The following MGAM2 variants were observed in gnomAD, a reference collection of about 807,000 sequenced individuals.
MGAM2 encodes maltase-glucoamylase 2 (putative).
A neutral mutation model predicts 96.1 loss-of-function variants in MGAM2; 98 were observed. That is an observed-to-expected ratio of 1.02 (90% CI 0.87 to 1.21). The LOEUF (loss-of-function observed/expected upper bound fraction) is 1.21, where lower values mean the gene tolerates loss of function less well. MGAM2 is among the 50% of genes most tolerant of loss of function. The probability of loss-of-function intolerance (pLI) is 0.00; values close to 1 mark genes in which losing one functional copy is unlikely to be tolerated. For missense variants in MGAM2, 2,055 were observed against 1,182.4 expected, an observed-to-expected ratio of 1.74 and a Z score of -10.82; for synonymous variants, 749 against 414.8, an observed-to-expected ratio of 1.81 and a Z score of -9.79.
At position 142,134,045 on chromosome 7, in the gene MGAM2, C is replaced by T. The variant is rs1794983812; in HGVS notation, c.640C>T (p.Pro214Ser). The change falls in exon 7 of 48, where the codon CCC becomes TCC. Residue 214 changes from proline to serine, a missense_variant. Coordinates refer to ENST00000477922, the MANE Select transcript of MGAM2 (RefSeq NM_001293626.2). ...GTACCTGCAACTGTCTTTCCGACTGCCCAGTGCCAATGTGTATGGGCTGGG... is the reference window on the plus strand; with the variant it reads ...GTACCTGCAACTGTCTTTCCGACTGTCCAGTGCCAATGTGTATGGGCTGGG... ...QQYLQLSFRLPSANVYGLGEH... is the reference protein window; with the variant it reads ...QQYLQLSFRLSSANVYGLGEH... The T allele has an allele frequency of 1.3e-6, 1 of 755,552 alleles. No individual in the cohort carries two copies. Among genetic ancestry groups the T allele is most frequent in the Non-Finnish European group, 2.4e-6 (1 of 412,682 alleles). The allele number at this position is 755,552 out of a possible 1,614,324, so 46.8% of individuals were successfully genotyped here. A position where few individuals can be genotyped will look rare whatever the true frequency, so the allele number is the denominator to read the frequency against.
intron 12 of MGAM2, among the ~76,000 whole-genome samples, chr7:142,142,517 GGT>G (rs1563257133): frequency 2.9e-5 from 4 of 137,284 alleles, no homozygotes; most frequent in African/African-American, 5.4e-5. Flanking sequence ...GGTGCATAGT[GGT>G]GTGTGTTTTT....
chr7:142,172,765 G>A lies in MGAM2; in HGVS notation c.3561+1G>A. The A allele has an allele frequency of 1.4e-6, 1 of 696,924 alleles. No individual in the cohort carries two copies. Among genetic ancestry groups the A allele is most frequent in the South Asian group, 1.5e-5 (1 of 66,188 alleles). 43.2% of individuals were successfully genotyped at this position (696,924 alleles called of 1,614,324 possible). A position where few individuals can be genotyped will look rare whatever the true frequency, so the allele number is the denominator to read the frequency against. On this transcript the variant is annotated splice_donor_variant, in intron 30 of 47. Coordinates refer to ENST00000477922, the MANE Select transcript of MGAM2 (RefSeq NM_001293626.2). LOFTEE classifies it high-confidence loss of function. The stretch of plus-strand genomic sequence containing the variant: ...ACTTGTAACTCAGCAATACACAGAG[G>A]TTAGAAGCCATTCTGTCCATCAATA...
intron 46 of MGAM2, among the ~76,000 whole-genome samples, chr7:142,217,520 A>T (rs1467431798): frequency 6.6e-6 from 1 of 152,184 alleles, no homozygotes; most frequent in Admixed American, 6.5e-5. Context: ...TGGTACAATA[A>T]ACTTATTTGT....
intron 15 of MGAM2, among the ~76,000 whole-genome samples, chr7:142,149,039 C>T (rs1341557005): frequency 1.3e-5 from 2 of 151,984 alleles, no homozygotes; most frequent in Non-Finnish European, 2.9e-5. Context: ...CCAGCCTGGC[C>T]ATCATAGTGA....
At chr7:142,151,048 T>G (rs1257716429) in intron 15 of MGAM2, among the ~76,000 whole-genome samples, 2 of 152,260 alleles carry the variant, frequency 1.3e-5, no homozygotes, top group Non-Finnish European at 2.9e-5. Context: ...CCACATTTGT[T>G]CATATTCCAA....
intron 37 of MGAM2, among the ~76,000 whole-genome samples, chr7:142,191,499 T>A (rs1796866804): frequency 6.6e-6 from 1 of 152,162 alleles, no homozygotes; most frequent in Non-Finnish European, 1.5e-5. Flanking sequence ...ATGTTATTCT[T>A]TCCTTCATTT....
At chr7:142,188,427 C>A (rs1012722456) in intron 36 of MGAM2, among the ~76,000 whole-genome samples, 1 of 151,770 alleles carries the variant, frequency 6.6e-6, no homozygotes, top group South Asian at 2.1e-4. Flanking sequence ...GCCTGGGCAA[C>A]ATAGTGAGAC....
intron 15 of MGAM2, among the ~76,000 whole-genome samples, chr7:142,149,158 G>A (rs770231604): frequency 5.3e-5 from 8 of 151,846 alleles, no homozygotes; most frequent in Non-Finnish European, 1.0e-4. Flanking sequence ...GAACCCGGGA[G>A]ACGGAGGTTG....
In MGAM2 at chr7:142,189,407, G is replaced by T; in HGVS notation, c.4248G>T (p.Leu1416=). The change falls in exon 37 of 48, where the codon CTG becomes CTT. Residue 1416 remains leucine (L), a synonymous_variant. Transcript: ENST00000477922. The part of the protein sequence containing the change: ...SRDKGLSSKT[L]CMESQQILPD... The stretch of plus-strand genomic sequence containing the variant: ...ACAAGGGCCTGAGCAGCAAGACTCT[G>T]TGCATGGAGAGTCAGCAGATCCTGC... The T allele has an allele frequency of 1.4e-6, 1 of 724,104 alleles. No individual in the cohort carries two copies. 44.9% of individuals were successfully genotyped at this position (724,104 alleles called of 1,614,324 possible).
At position 142,133,935 on chromosome 7, in the gene MGAM2, AAG is replaced by A. The variant is rs962717683; in HGVS notation, c.576-43_576-42del. ...GAGAAGATAGCTTCCTGGCAGAGGAAAGAGTGTTTTTCGGTGATTCTTGCTCT... is the reference window on the plus strand; with the variant it reads ...GAGAAGATAGCTTCCTGGCAGAGGAAAGTGTTTTTCGGTGATTCTTGCTCT... On this transcript the variant is annotated intron_variant, in intron 6 of 47. Transcript: ENST00000477922. 21 of 658,970 alleles carry A rather than the reference AAG, an allele frequency of 3.2e-5. No homozygotes were observed. In the African/African-American group the frequency reaches 3.2e-4, roughly 10 times the overall value. The allele number at this position is 658,970 out of a possible 1,614,324, so 40.8% of individuals were successfully genotyped here.
intron 26 of MGAM2, among the ~76,000 whole-genome samples, chr7:142,169,155 G>A (rs1435402754): frequency 6.6e-6 from 1 of 152,176 alleles, no homozygotes; most frequent in African/African-American, 2.4e-5. Context: ...ACCTGGCAAG[G>A]TGTGGTGGCT....
chr7:142,175,774 C>A lies in MGAM2; in HGVS notation c.3810C>A (p.Leu1270=). 1.4e-6 allele frequency: 1 copy of A among 702,624 alleles called. No individual in the cohort carries two copies. 43.5% of individuals were successfully genotyped at this position (702,624 alleles called of 1,614,324 possible). Residue 1270 remains leucine (L), a synonymous_variant, in exon 32 of 48, where the codon CTC becomes CTA. Coordinates refer to ENST00000477922, the MANE Select transcript of MGAM2 (RefSeq NM_001293626.2). The part of the protein sequence containing the change: ...QMKKNGMRFI[L]ILDPAISGNE... ...AGAAAAATGGCATGAGATTTATTCT[C>A]ATTTTGGTATGTATTGAGACAGATC...
chr7:142,157,047 C>T (rs1431337759), intron 17 of MGAM2, among the ~76,000 whole-genome samples: 3 of 152,044 alleles, frequency 2.0e-5, no homozygotes, highest in Admixed American at 6.5e-5. Context: ...AAATAGAGGT[C>T]ACTAATCTTT....
intron 15 of MGAM2, among the ~76,000 whole-genome samples, chr7:142,149,777 A>G (rs535896291): frequency 2.4e-3 from 365 of 151,682 alleles, no homozygotes; most frequent in East Asian, 9.5e-3. Context: ...TCCTGACCTC[A>G]TGATTCACCC....
At chr7:142,214,126 C>G (rs1797675255) in intron 46 of MGAM2, among the ~76,000 whole-genome samples, 1 of 152,130 alleles carries the variant, frequency 6.6e-6, no homozygotes, top group South Asian at 2.1e-4. Context: ...GCTAAAAACA[C>G]TCAATAAACT....
In MGAM2 at chr7:142,196,632, A is replaced by G. The variant is rs190583367; in HGVS notation, c.4515+33A>G. On this transcript the variant is annotated intron_variant, in intron 39 of 47. Coordinates refer to ENST00000477922, the MANE Select transcript of MGAM2 (RefSeq NM_001293626.2). ...ACATTCAGACCATTACTAATTGCCC[A>G]GTCAGATTTTAGTGAGTCAGCGCCT... 160 of 738,678 alleles carry G rather than the reference A, an allele frequency of 2.2e-4. 1 individual carries two copies. The highest frequency in any genetic ancestry group is 1.1e-3 in the Middle Eastern group (5 of 4,396). 45.8% of individuals were successfully genotyped at this position (738,678 alleles called of 1,614,324 possible).
chr7:142,113,004 C>T (rs960714854), intron 1 of MGAM2, among the ~76,000 whole-genome samples: 1 of 152,118 alleles, frequency 6.6e-6, no homozygotes, highest in African/African-American at 2.4e-5. Context: ...AGTTCCTTAC[C>T]TCTATTTCAA....
intron 17 of MGAM2, 69 bp downstream of exon 17, chr7:142,154,914 T>A (rs1321320642): frequency 2.9e-6 from 2 of 693,952 alleles, no homozygotes; most frequent in Non-Finnish European, 5.3e-6. Context: ...AAAGGGGATT[T>A]GAGGAAAATA....
chr7:142,178,100 A>C (rs567989864), intron 32 of MGAM2, among the ~76,000 whole-genome samples: 2 of 152,092 alleles, frequency 1.3e-5, no homozygotes, highest in South Asian at 4.2e-4. Flanking sequence ...TTTGATTTGC[A>C]TTTCTCTATT....
Sources: allele counts gnomAD v4.1 joint callset (sites outside exome capture counted in the v4.1 genomes callset), GRCh38; gene constraint gnomAD v4.1.1; transcripts MANE v1.5; gene names NCBI Gene and HGNC (gene_info 2026-07-23, HGNC 2026-07-21).